The following ANGPT1 variants were observed in gnomAD, a reference collection of about 807,000 sequenced individuals.
ANGPT1 encodes the protein angiopoietin-1.
ANGPT1 carries 17 observed loss-of-function variants against 62.2 expected under a neutral mutation model. The observed-to-expected ratio is 0.27, with a 90% CI of 0.19 to 0.41. The LOEUF (loss-of-function observed/expected upper bound fraction) is 0.41, where lower values mean the gene tolerates loss of function less well. ANGPT1 is among the 10% of genes least tolerant of loss of function. ANGPT1 has a pLI of 1.00. For missense variants in ANGPT1, 478 were observed against 594.9 expected (o/e 0.80, Z 2.04); for synonymous variants, 199 against 198.9 (o/e 1.00, Z 0.00).
chr8:107,355,265 T>C (rs1358034225), intron 1 of ANGPT1, among the ~76,000 whole-genome samples: 1 of 152,088 alleles, frequency 6.6e-6, no homozygotes, highest in Non-Finnish European at 1.5e-5. Flanking sequence ...TCCCTACCAA[T>C]ATCACTTTAT....
chr8:107,332,354 C>T (rs528412095), intron 3 of ANGPT1, among the ~76,000 whole-genome samples: 2 of 152,204 alleles, frequency 1.3e-5, no homozygotes, highest in Admixed American at 6.5e-5. Flanking sequence ...TTTTAAGTTT[C>T]GGGTAGCATC....
chr8:107,321,447 C>T (rs1815147434), intron 4 of ANGPT1, among the ~76,000 whole-genome samples: 1 of 152,136 alleles, frequency 6.6e-6, no homozygotes, highest in South Asian at 2.1e-4. Context: ...CTGCAACCCA[C>T]AATTTCCTAC....
intron 1 of ANGPT1, among the ~76,000 whole-genome samples, chr8:107,437,658 T>C (rs560060840): frequency 6.6e-6 from 1 of 152,248 alleles, no homozygotes; most frequent in East Asian, 1.9e-4. Context: ...CCAGGCTCTA[T>C]TAAACATGCT....
At position 107,400,304 on chromosome 8, in the gene ANGPT1, C is replaced by A. The variant is rs142471232; in HGVS notation, c.298-53207G>T. 3.2e-3 allele frequency among the ~76,000 whole-genome samples: 481 copies of A among 152,286 alleles called. 4 individuals carry two copies. The highest frequency in any genetic ancestry group is 0.011 in the African/African-American group (468 of 41,586). The stretch of plus-strand genomic sequence containing the variant: ...ATTCAATAGTACTTTTTCTGGACAA[C>A]GTTCCATAACAACAAGATGTTTAGT... On this transcript the variant is annotated intron_variant, in intron 1 of 8. Transcript: ENST00000517746.
chr8:107,482,333 A>T (rs765269222), intron 1 of ANGPT1, among the ~76,000 whole-genome samples: 1 of 152,144 alleles, frequency 6.6e-6, no homozygotes, highest in Non-Finnish European at 1.5e-5. Context: ...TTCCGAATCT[A>T]GAGATAGTGC....
At chr8:107,426,999 A>G (rs6991687) in intron 1 of ANGPT1, among the ~76,000 whole-genome samples, 18,080 of 152,200 alleles carry the variant, frequency 0.12, 1,467 homozygotes, top group East Asian at 0.44. Context: ...TTAAAAAGTT[A>G]GCATCAAAGC....
intron 1 of ANGPT1, among the ~76,000 whole-genome samples, chr8:107,403,672 T>C (rs1817090482): frequency 6.6e-6 from 1 of 152,176 alleles, no homozygotes; most frequent in Non-Finnish European, 1.5e-5. Flanking sequence ...TCATTGCATT[T>C]TTACATACTA....
In ANGPT1 at chr8:107,457,996, T is replaced by A. The variant is rs12542882; in HGVS notation, c.297+39266A>T. 7.3e-3 allele frequency among the ~76,000 whole-genome samples: 1,103 copies of A among 152,112 alleles called. 8 individuals are homozygous for A. The highest frequency in any genetic ancestry group is 0.018 in the Admixed American group (269 of 15,242). ...GCTATTCTTTAAAAAAATATTATGATCATATTGAGTGTGAAAAAAATAAAA... is the reference window on the plus strand; with the variant it reads ...GCTATTCTTTAAAAAAATATTATGAACATATTGAGTGTGAAAAAAATAAAA... On this transcript the variant is annotated intron_variant, in intron 1 of 8. Transcript: ENST00000517746.
chr8:107,494,086 G>C (rs1276034448), intron 1 of ANGPT1, among the ~76,000 whole-genome samples: 1 of 136,550 alleles, frequency 7.3e-6, no homozygotes. Context: ...ATTGTTTTCT[G>C]TTACAAGGCA....
chr8:107,299,846 CTATATATT>C (rs1814531047), intron 5 of ANGPT1, among the ~76,000 whole-genome samples: 1 of 86,372 alleles, frequency 1.2e-5, no homozygotes, highest in Admixed American at 1.4e-4. Flanking sequence ...TCTAGATATA[CTATATATT>C]TAGATATGTA....
At chr8:107,447,069 C>A (rs1811643331) in intron 1 of ANGPT1, among the ~76,000 whole-genome samples, 4 of 152,192 alleles carry the variant, frequency 2.6e-5, no homozygotes, top group Admixed American at 2.6e-4. Flanking sequence ...GTTGACTCTA[C>A]CTTCAAAACA....
chr8:107,361,870 C>T (rs770592999), intron 1 of ANGPT1, among the ~76,000 whole-genome samples: 2 of 151,930 alleles, frequency 1.3e-5, no homozygotes, highest in Non-Finnish European at 2.9e-5. Flanking sequence ...ACCAGCCTGG[C>T]CAACATGGTG....
chr8:107,340,561 ACAGAGTCT>A (rs1266364964), intron 2 of ANGPT1, among the ~76,000 whole-genome samples: 1 of 152,042 alleles, frequency 6.6e-6, no homozygotes, highest in Non-Finnish European at 1.5e-5. Flanking sequence ...TTTTTTAGAG[ACAGAGTCT>A]CACTCTGTCA....
rs1028675217 is a variant in ANGPT1, at chr8:107,490,292, C to A, written c.297+6970G>T. 2.0e-5 allele frequency among the ~76,000 whole-genome samples: 3 copies of A among 152,320 alleles called. 1 individual carries two copies. The highest frequency in any genetic ancestry group is 2.0e-4 in the Admixed American group (3 of 15,300). On this transcript the variant is annotated intron_variant, in intron 1 of 8. Coordinates refer to ENST00000517746, the MANE Select transcript of ANGPT1 (RefSeq NM_001146.5). Reference sequence around the variant, plus strand: ...GCCACAACCAACAGGATGAAACAGGCACATAGCACAGAAGATCCTGTAGCC... The same window carrying A: ...GCCACAACCAACAGGATGAAACAGGAACATAGCACAGAAGATCCTGTAGCC...
intron 4 of ANGPT1, among the ~76,000 whole-genome samples, chr8:107,309,116 A>C (rs559571917): frequency 6.6e-6 from 1 of 152,302 alleles, no homozygotes; most frequent in African/African-American, 2.4e-5. Context: ...AAAAAGCCAA[A>C]GCCCTTTCTC....
chr8:107,344,288 G>T (rs182930952), intron 2 of ANGPT1, among the ~76,000 whole-genome samples: 4 of 152,266 alleles, frequency 2.6e-5, no homozygotes, highest in East Asian at 1.9e-4. Context: ...TATAGGAAGT[G>T]ACATGAATAA....
chr8:107,310,709 G>A lies in ANGPT1; in HGVS notation c.809-7342C>T, dbSNP rs944334345. ...CCCACAATGTCAAGAGCTAACAGAG[G>A]ATAAGTGAGAGGTCCCAAAGCAGCC... On this transcript the variant is annotated intron_variant, in intron 4 of 8. Coordinates refer to ENST00000517746, the MANE Select transcript of ANGPT1 (RefSeq NM_001146.5). Among the ~76,000 whole-genome samples the A allele has an allele frequency of 3.3e-5, 5 of 152,190 alleles. 1 individual carries two copies. In the Middle Eastern group the frequency reaches 0.014, roughly 414 times the overall value.
intron 2 of ANGPT1, among the ~76,000 whole-genome samples, chr8:107,341,009 T>C (rs1333051099): frequency 6.6e-6 from 1 of 152,194 alleles, no homozygotes; most frequent in Non-Finnish European, 1.5e-5. Flanking sequence ...GTAATTTACT[T>C]GGTTAATAAT....
chr8:107,305,319 T>C (rs564138313), intron 4 of ANGPT1, among the ~76,000 whole-genome samples: 5 of 151,870 alleles, frequency 3.3e-5, no homozygotes, highest in Non-Finnish European at 7.4e-5. Flanking sequence ...GAGAAAGTCA[T>C]TTATCTATGG....
Sources: gnomAD v4.1 joint callset for allele counts (sites outside exome capture counted in the v4.1 genomes callset) on GRCh38, gnomAD v4.1.1 for gene constraint, MANE v1.5 for transcripts, NCBI Gene and HGNC (gene_info 2026-07-23, HGNC 2026-07-21) for gene names.